BCKDHB: variants seen among roughly 807,000 people sequenced by gnomAD.
BCKDHB encodes the protein branched chain keto acid dehydrogenase E1 subunit beta.
Under a neutral mutation model 48.5 loss-of-function variants are expected in BCKDHB, and 41 were observed. That is an observed-to-expected ratio of 0.85 (90% CI 0.66 to 1.10). BCKDHB has a LOEUF of 1.10. Ranked by LOEUF, BCKDHB falls within the 50% of genes least tolerant of loss-of-function variation. The pLI is 0.00. For synonymous variants in BCKDHB, 201 were observed against 174.8 expected, an observed-to-expected ratio of 1.15 and a Z score of -1.18; for missense variants, 496 against 494.2, an observed-to-expected ratio of 1.00 and a Z score of -0.03.
chr6:80,281,100 G>A (rs1778176880), intron 9 of BCKDHB, among the ~76,000 whole-genome samples: 1 of 152,012 alleles, frequency 6.6e-6, no homozygotes, highest in Non-Finnish European at 1.5e-5. Context: ...GGATGAAAAT[G>A]TGTTTCTGGA....
intron 9 of BCKDHB, among the ~76,000 whole-genome samples, chr6:80,326,944 G>A (rs1457121808): frequency 6.6e-6 from 1 of 152,084 alleles, no homozygotes; most frequent in Non-Finnish European, 1.5e-5. Context: ...TGAGAGCCTT[G>A]TTTATTACTT....
chr6:80,340,773 CTGTGTGTGTGTGTGTGTT>C (rs1036843597), intron 9 of BCKDHB, among the ~76,000 whole-genome samples: 15 of 147,610 alleles, frequency 1.0e-4, no homozygotes, highest in Admixed American at 7.4e-4. Context: ...TATTTTTTTT[CTGTGTGTGTGTGTGTGTT>C]TGTGTGTGTG....
the BCKDHB span, among the ~76,000 whole-genome samples, chr6:80,434,011 C>A: frequency 6.6e-6 from 1 of 152,144 alleles, no homozygotes; most frequent in East Asian, 1.9e-4. Context: ...TCACAGGTCA[C>A]TGATACTCTG....
At chr6:80,121,791 C>A (rs1481118261) in intron 1 of BCKDHB, among the ~76,000 whole-genome samples, 1 of 152,194 alleles carries the variant, frequency 6.6e-6, no homozygotes, top group East Asian at 1.9e-4. Context: ...ACAATAATCT[C>A]ATCTGCAAAC....
intron 8 of BCKDHB, among the ~76,000 whole-genome samples, chr6:80,244,957 C>T (rs765505029): frequency 1.3e-5 from 2 of 152,154 alleles, no homozygotes; most frequent in Non-Finnish European, 2.9e-5. Flanking sequence ...TTCAATTCAA[C>T]AAACTTTTGT....
At chr6:80,335,770 T>C (rs561625121) in intron 9 of BCKDHB, among the ~76,000 whole-genome samples, 1 of 152,042 alleles carries the variant, frequency 6.6e-6, no homozygotes, top group South Asian at 2.1e-4. Flanking sequence ...GTGAAAATGG[T>C]GAGGAAACTT....
At chr6:80,445,452 T>C in the BCKDHB span, among the ~76,000 whole-genome samples, 1 of 152,190 alleles carries the variant, frequency 6.6e-6, no homozygotes, top group Non-Finnish European at 1.5e-5. Context: ...TGGTGAGTGC[T>C]GGTTCCCACA....
At chr6:80,343,224 G>A (rs757663203) in intron 9 of BCKDHB, among the ~76,000 whole-genome samples, 4 of 152,200 alleles carry the variant, frequency 2.6e-5, no homozygotes, top group Non-Finnish European at 5.9e-5. Flanking sequence ...GTCTGGCTGG[G>A]GCATGGAGGA....
At chr6:80,413,076 A>G in the BCKDHB span, among the ~76,000 whole-genome samples, 13,553 of 152,026 alleles carry the variant, frequency 0.089, 681 homozygotes, top group Non-Finnish European at 0.11. Context: ...TTCTGTCATT[A>G]TTTCTTTAAA....
intron 9 of BCKDHB, among the ~76,000 whole-genome samples, chr6:80,301,258 C>CA (rs1020432085): frequency 3.3e-5 from 5 of 151,604 alleles, no homozygotes; most frequent in Non-Finnish European, 7.4e-5. Flanking sequence ...GGTCGTTCTT[C>CA]AAAAAAACAA....
intron 9 of BCKDHB, among the ~76,000 whole-genome samples, chr6:80,276,461 T>C (rs1777972868): frequency 6.6e-6 from 1 of 151,942 alleles, no homozygotes; most frequent in South Asian, 2.1e-4. Context: ...AGAAAAATTA[T>C]GCTATATAAA....
intron 8 of BCKDHB, among the ~76,000 whole-genome samples, chr6:80,231,795 T>C (rs1471433236): frequency 6.6e-6 from 1 of 152,146 alleles, no homozygotes; most frequent in Non-Finnish European, 1.5e-5. Flanking sequence ...TGAAACCCCG[T>C]CTCTACTAAA....
intron 6 of BCKDHB, among the ~76,000 whole-genome samples, chr6:80,177,802 G>C (rs3805923): frequency 0.072 from 10,931 of 152,174 alleles, 586 homozygotes; most frequent in South Asian, 0.24. Flanking sequence ...GGTTCCTTAG[G>C]AAGCTAAAGG....
Position 80,197,934 on chromosome 6 carries a change from T to TCATCCATCCATC in BCKDHB, c.743-2966_743-2955dup, listed in dbSNP as rs10651030. On this transcript the variant is annotated intron_variant, in intron 6 of 9. Transcript: ENST00000320393. ...CCCGTCCATTGATCTATCCATCTGT[T>TCATCCATCCATC]CATCCATCCATCCATCCATCCATCC... 7.8e-3 allele frequency among the ~76,000 whole-genome samples: 1,166 copies of TCATCCATCCATC among 148,970 alleles called. 18 individuals carry two copies. The highest frequency in any genetic ancestry group is 0.031 in the South Asian group (144 of 4,584).
intron 3 of BCKDHB, among the ~76,000 whole-genome samples, chr6:80,167,070 ATAAG>A (rs1772611921): frequency 6.6e-6 from 1 of 152,122 alleles, no homozygotes; most frequent in Non-Finnish European, 1.5e-5. Context: ...CCATTGTTAG[ATAAG>A]TATAGATTTA....
At chr6:80,250,128 T>C (rs1776775485) in intron 8 of BCKDHB, among the ~76,000 whole-genome samples, 1 of 152,134 alleles carries the variant, frequency 6.6e-6, no homozygotes, top group African/African-American at 2.4e-5. Context: ...GCTCTCCTTC[T>C]TCTCTGACCT....
the BCKDHB span, among the ~76,000 whole-genome samples, chr6:80,389,068 T>C: frequency 2.0e-5 from 3 of 152,210 alleles, no homozygotes; most frequent in Admixed American, 6.5e-5. Context: ...GAAACCTCTG[T>C]GAGTGGCCAA....
At chr6:80,384,110 T>A in the BCKDHB span, among the ~76,000 whole-genome samples, 1 of 152,134 alleles carries the variant, frequency 6.6e-6, no homozygotes, top group Admixed American at 6.6e-5. Flanking sequence ...AAACTATTGA[T>A]CCTGGGTGTA....
At chr6:80,399,552 T>A in the BCKDHB span, among the ~76,000 whole-genome samples, 1 of 151,892 alleles carries the variant, frequency 6.6e-6, no homozygotes, top group South Asian at 2.1e-4. Context: ...TGGTGAAAGA[T>A]CTCTACAAGG....
Sources: allele counts gnomAD v4.1 joint callset (sites outside exome capture counted in the v4.1 genomes callset), GRCh38; gene constraint gnomAD v4.1.1; transcripts MANE v1.5; gene names NCBI Gene and HGNC (gene_info 2026-07-23, HGNC 2026-07-21).